The following SNTG1 variants were observed in gnomAD, a reference collection of about 807,000 sequenced individuals.
SNTG1 encodes the protein gamma-1-syntrophin.
Under a neutral mutation model 74.7 loss-of-function variants are expected in SNTG1, and 39 were observed. The observed-to-expected ratio is 0.52, with a 90% CI of 0.40 to 0.68. The LOEUF (loss-of-function observed/expected upper bound fraction) is 0.68. Among genes scored for constraint, SNTG1 ranks in the 30% least tolerant of loss-of-function variants. SNTG1 has a pLI of 0.00. For synonymous variants in SNTG1, 254 were observed against 217.1 expected (o/e 1.17, Z -1.49); for missense variants, 685 against 609.5 (o/e 1.12, Z -1.30).
intron 9 of SNTG1, among the ~76,000 whole-genome samples, chr8:50,522,061 T>C (rs1586155): frequency 0.95 from 145,177 of 152,234 alleles, 69,285 homozygotes; most frequent in East Asian, 1. Context: ...TTTCAATTGA[T>C]TTTGCCCAGG....
intron 1 of SNTG1, among the ~76,000 whole-genome samples, chr8:50,129,496 A>C (rs1246519024): frequency 2.0e-5 from 3 of 152,058 alleles, no homozygotes; most frequent in Non-Finnish European, 2.9e-5. Context: ...CTTGATTCTC[A>C]CTGTCTTGGC....
intron 12 of SNTG1, among the ~76,000 whole-genome samples, chr8:50,582,882 A>C (rs2094620301): frequency 6.6e-6 from 1 of 152,194 alleles, no homozygotes; most frequent in Non-Finnish European, 1.5e-5. Context: ...AAAAATACAG[A>C]ATTCCCAAGC....
At chr8:50,200,484 A>G (rs911384671) in intron 2 of SNTG1, among the ~76,000 whole-genome samples, 1 of 152,146 alleles carries the variant, frequency 6.6e-6, no homozygotes, top group African/African-American at 2.4e-5. Flanking sequence ...TGAAAAGTGT[A>G]GCAAGCAGAA....
intron 14 of SNTG1, among the ~76,000 whole-genome samples, chr8:50,657,902 T>C (rs1240805513): frequency 1.3e-5 from 2 of 152,146 alleles, no homozygotes; most frequent in African/African-American, 4.8e-5. Flanking sequence ...ATTTATTGAA[T>C]ATAAATACCA....
intron 4 of SNTG1, among the ~76,000 whole-genome samples, chr8:50,413,907 C>T (rs2092982457): frequency 6.6e-6 from 1 of 152,134 alleles, no homozygotes; most frequent in Non-Finnish European, 1.5e-5. Context: ...TCTGGAAGTT[C>T]TATTCTATCC....
At chr8:50,639,254 C>G (rs2095057509) in intron 13 of SNTG1, among the ~76,000 whole-genome samples, 1 of 150,424 alleles carries the variant, frequency 6.6e-6, no homozygotes, top group South Asian at 2.1e-4. Flanking sequence ...ATTTCAGTGG[C>G]TTCTTTATTT....
intron 1 of SNTG1, among the ~76,000 whole-genome samples, chr8:50,132,151 C>T (rs1231252645): frequency 6.6e-6 from 1 of 152,016 alleles, no homozygotes; most frequent in East Asian, 1.9e-4. Context: ...ATTGCTTTTG[C>T]TATTTATGGG....
intron 4 of SNTG1, among the ~76,000 whole-genome samples, chr8:50,414,470 C>A (rs1468811258): frequency 6.6e-6 from 1 of 151,992 alleles, no homozygotes. Flanking sequence ...GGTGACGGTG[C>A]CTCTCCTGTC....
At chr8:50,094,837 C>T (rs2079868496) in intron 1 of SNTG1, among the ~76,000 whole-genome samples, 1 of 152,078 alleles carries the variant, frequency 6.6e-6, no homozygotes, top group Non-Finnish European at 1.5e-5. Context: ...AATCTTTCTA[C>T]CAAAAAGGAC....
chr8:49,972,393 G>C (rs1811773921), intron 1 of SNTG1, among the ~76,000 whole-genome samples: 1 of 152,080 alleles, frequency 6.6e-6, no homozygotes. Context: ...TTCAATGTTA[G>C]ACCTAAAACC....
At chr8:50,499,658 C>T (rs1271313261) in intron 8 of SNTG1, among the ~76,000 whole-genome samples, 1 of 151,610 alleles carries the variant, frequency 6.6e-6, no homozygotes, top group South Asian at 2.1e-4. Flanking sequence ...AATGATATTA[C>T]CTGTAGGTTT....
At chr8:50,452,115 G>A (rs767625846) in intron 8 of SNTG1, among the ~76,000 whole-genome samples, 4 of 152,160 alleles carry the variant, frequency 2.6e-5, no homozygotes, top group African/African-American at 4.8e-5. Context: ...GAACCGAGAC[G>A]AAGGAGGGTT....
chr8:50,694,076 A>T (rs73569486), intron 15 of SNTG1, among the ~76,000 whole-genome samples: 4,063 of 152,124 alleles, frequency 0.027, 185 homozygotes, highest in African/African-American at 0.093. Flanking sequence ...AAACAGTCCA[A>T]AATTATTAGA....
chr8:50,385,784 G>A (rs1350731380), intron 2 of SNTG1, among the ~76,000 whole-genome samples: 1 of 152,130 alleles, frequency 6.6e-6, no homozygotes, highest in East Asian at 1.9e-4. Flanking sequence ...GGTACCAAGG[G>A]ATATGTTCAT....
chr8:50,775,008 A>G (rs994239672), intron 18 of SNTG1, among the ~76,000 whole-genome samples: 2 of 150,892 alleles, frequency 1.3e-5, no homozygotes, highest in Non-Finnish European at 1.5e-5. Flanking sequence ...AAGTGTATAC[A>G]TATATATACA....
intron 2 of SNTG1, among the ~76,000 whole-genome samples, chr8:50,317,592 G>T (rs1234079785): frequency 6.6e-6 from 1 of 152,166 alleles, no homozygotes. Context: ...AAACAAAGGA[G>T]TTTGAATTAG....
chr8:50,268,111 T>G (rs1258120693), intron 2 of SNTG1, among the ~76,000 whole-genome samples: 1 of 152,204 alleles, frequency 6.6e-6, no homozygotes, highest in African/African-American at 2.4e-5. Flanking sequence ...TTCCATGTAC[T>G]AATAATAAAC....
At chr8:50,248,586 A>G (rs2086502418) in intron 2 of SNTG1, among the ~76,000 whole-genome samples, 1 of 152,306 alleles carries the variant, frequency 6.6e-6, no homozygotes, top group East Asian at 1.9e-4. Context: ...TCTCCAGATT[A>G]CAAGGCCTCT....
intron 2 of SNTG1, among the ~76,000 whole-genome samples, chr8:50,363,617 T>G (rs2092024995): frequency 6.6e-6 from 1 of 152,320 alleles, no homozygotes. Flanking sequence ...GGATTTTGAT[T>G]ATGCATAAAT....
Sources: allele counts gnomAD v4.1 joint callset (sites outside exome capture counted in the v4.1 genomes callset), GRCh38; gene constraint gnomAD v4.1.1; transcripts MANE v1.5; gene names NCBI Gene and HGNC (gene_info 2026-07-23, HGNC 2026-07-21).